SGCZ: variants seen among roughly 807,000 people sequenced by gnomAD.
The protein encoded by SGCZ is zeta-sarcoglycan.
SGCZ carries 40 observed loss-of-function variants against 41.3 expected under a neutral mutation model. The ratio of observed to expected loss-of-function variants is 0.97; its 90% CI spans 0.75 to 1.26. The LOEUF is 1.26. Ranked by LOEUF, SGCZ falls within the 50% of genes most tolerant of loss-of-function variation. The pLI, the probability that SGCZ is intolerant of heterozygous loss-of-function variation, is 0.00. For missense variants in SGCZ, 552 were observed against 369.8 expected, an observed-to-expected ratio of 1.49 and a Z score of -4.04; for synonymous variants, 206 against 137.5, an observed-to-expected ratio of 1.50 and a Z score of -3.49.
intron 2 of SGCZ, among the ~76,000 whole-genome samples, chr8:14,407,545 T>G (rs11987111): frequency 0.13 from 20,453 of 152,026 alleles, 3,017 homozygotes; most frequent in African/African-American, 0.37. Context: ...TAAATAACAT[T>G]AGATGATAAA....
chr8:14,212,345 T>C (rs967533908), intron 4 of SGCZ, among the ~76,000 whole-genome samples: 2 of 151,892 alleles, frequency 1.3e-5, no homozygotes, highest in African/African-American at 4.8e-5. Flanking sequence ...TACCCATAGA[T>C]ACTGGGTGAA....
intron 1 of SGCZ, among the ~76,000 whole-genome samples, chr8:15,162,443 G>T (rs1799538108): frequency 6.6e-6 from 1 of 152,128 alleles, no homozygotes; most frequent in African/African-American, 2.4e-5. Context: ...ATTACTTTCA[G>T]AAAGAGCCAT....
intron 2 of SGCZ, among the ~76,000 whole-genome samples, chr8:14,460,793 G>A (rs1800880992): frequency 6.6e-6 from 1 of 152,090 alleles, no homozygotes; most frequent in African/African-American, 2.4e-5. Context: ...TGCTAAAGTT[G>A]GGAGTCTAAA....
chr8:14,822,073 T>TACACACACACAC (rs57337707), intron 1 of SGCZ, among the ~76,000 whole-genome samples: 30 of 141,656 alleles, frequency 2.1e-4, no homozygotes, highest in African/African-American at 6.5e-4. Flanking sequence ...CCCTAAAGAT[T>TACACACACACAC]ACACACACAC....
chr8:15,219,078 G>C lies in SGCZ; in HGVS notation c.39+18507C>G, dbSNP rs1240642768. Reference sequence around the variant, plus strand: ...CTCTCCACGATTAGGAAGATAAAGAGCTTTTCTACTCAAATCAAATTATAT... The same window carrying C: ...CTCTCCACGATTAGGAAGATAAAGACCTTTTCTACTCAAATCAAATTATAT... On this transcript the variant is annotated intron_variant, in intron 1 of 7. Transcript: ENST00000382080. Among the ~76,000 whole-genome samples, 12 of 152,132 alleles carry C rather than the reference G, an allele frequency of 7.9e-5. No individual in the cohort carries two copies. The East Asian group carries it at 1.7e-3, about 22-fold the overall frequency.
chr8:14,968,323 T>C (rs1207314684), intron 1 of SGCZ, among the ~76,000 whole-genome samples: 4 of 152,228 alleles, frequency 2.6e-5, no homozygotes, highest in Non-Finnish European at 5.9e-5. Flanking sequence ...TCTGGGAACA[T>C]CTGAAACCTC....
At chr8:15,060,271 C>A (rs889371961) in intron 1 of SGCZ, among the ~76,000 whole-genome samples, 49 of 151,972 alleles carry the variant, frequency 3.2e-4, no homozygotes, top group Non-Finnish European at 5.9e-4. Context: ...AACCAACCCA[C>A]ATGTCCAAAA....
intron 1 of SGCZ, among the ~76,000 whole-genome samples, chr8:14,826,850 G>T (rs371946243): frequency 1.3e-5 from 2 of 152,172 alleles, no homozygotes; most frequent in Non-Finnish European, 2.9e-5. Context: ...TCTCAGATGA[G>T]TAGGTTGTGA....
intron 1 of SGCZ, among the ~76,000 whole-genome samples, chr8:15,063,022 G>C (rs1804994558): frequency 1.3e-5 from 2 of 152,090 alleles, no homozygotes; most frequent in Admixed American, 6.5e-5. Context: ...ATGACTTGAA[G>C]CCATTTAATA....
chr8:15,024,254 C>T (rs1803364478), intron 1 of SGCZ, among the ~76,000 whole-genome samples: 1 of 151,948 alleles, frequency 6.6e-6, no homozygotes. Flanking sequence ...AATATGATGG[C>T]CATGAAATAT....
chr8:14,155,082 A>G lies in SGCZ; in HGVS notation c.547+9498T>C, dbSNP rs966623900. Among the ~76,000 whole-genome samples the G allele has an allele frequency of 4.6e-5, 7 of 152,120 alleles. No individual in the cohort carries two copies. In the South Asian group the frequency reaches 6.2e-4, roughly 14 times the overall value. On this transcript the variant is annotated intron_variant, in intron 5 of 7. Coordinates refer to ENST00000382080, the MANE Select transcript of SGCZ (RefSeq NM_139167.4). The stretch of plus-strand genomic sequence containing the variant: ...CTACAGAGAAATAGATAACTAGAAA[A>G]CCATCTGTTCCAGTAACGCACTCTG...
chr8:14,258,491 G>A (rs1799542599), intron 3 of SGCZ, among the ~76,000 whole-genome samples: 1 of 152,048 alleles, frequency 6.6e-6, no homozygotes, highest in Admixed American at 6.6e-5. Context: ...CATTCTGGAA[G>A]AGCCAAAGTT....
chr8:14,749,889 G>A (rs184853322), intron 1 of SGCZ, among the ~76,000 whole-genome samples: 21 of 152,118 alleles, frequency 1.4e-4, no homozygotes, highest in Non-Finnish European at 2.4e-4. Flanking sequence ...AACCCAGAAT[G>A]TCAAACTGAA....
intron 2 of SGCZ, among the ~76,000 whole-genome samples, chr8:14,396,477 A>C (rs1798923660): frequency 6.6e-6 from 1 of 152,088 alleles, no homozygotes; most frequent in African/African-American, 2.4e-5. Context: ...GATGTTATTC[A>C]GCTCATTCCC....
chr8:14,450,042 T>C (rs1800546861), intron 2 of SGCZ, among the ~76,000 whole-genome samples: 1 of 152,124 alleles, frequency 6.6e-6, no homozygotes, highest in Non-Finnish European at 1.5e-5. Context: ...AGAAAAAAAC[T>C]GTGAAAGTGA....
chr8:14,238,077 T>C lies in SGCZ; in HGVS notation c.337-398A>G, dbSNP rs529177663. ...TGCATCTTTCAGATCTCAGCTTAAA[T>C]GCCACCTTCTCAAAATTGGCTCATC... On this transcript the variant is annotated intron_variant, in intron 3 of 7. Coordinates refer to ENST00000382080, the MANE Select transcript of SGCZ (RefSeq NM_139167.4). Among the ~76,000 whole-genome samples the C allele has an allele frequency of 1.4e-4, 21 of 152,370 alleles. 1 individual carries two copies. The South Asian group carries it at 1.4e-3, about 11-fold the overall frequency.
At chr8:15,153,694 C>G (rs1447366506) in intron 1 of SGCZ, among the ~76,000 whole-genome samples, 1 of 152,074 alleles carries the variant, frequency 6.6e-6, no homozygotes, top group African/African-American at 2.4e-5. Flanking sequence ...CTGCTCTCAC[C>G]ATGTGAAGTG....
chr8:14,255,311 C>T (rs1018737244), intron 3 of SGCZ, among the ~76,000 whole-genome samples: 6 of 152,162 alleles, frequency 3.9e-5, no homozygotes, highest in African/African-American at 1.4e-4. Flanking sequence ...CTCCTATGAT[C>T]TTGTCACATT....
At position 14,102,456 on chromosome 8, in the gene SGCZ, C is replaced by T. The variant is rs1423825445; in HGVS notation, c.664G>A (p.Gly222Arg). 2 of 1,503,390 alleles carry T rather than the reference C, an allele frequency of 1.3e-6. No homozygotes were observed. The highest frequency in any genetic ancestry group is 9.0e-7 in the Non-Finnish European group (1 of 1,111,200). The allele number at this position is 1,503,390 out of a possible 1,614,324, so 93.1% of individuals were successfully genotyped here. A position where few individuals can be genotyped will look rare whatever the true frequency, so the allele number is the denominator to read the frequency against. The change falls in exon 7 of 8, where the codon GGG (glycine) becomes AGG (arginine). Residue 222 changes from glycine (G) to arginine (R), a missense_variant. Gly to Arg is a moderately radical substitution (Grantham distance 125). Coordinates refer to ENST00000382080, the MANE Select transcript of SGCZ (RefSeq NM_139167.4). ...TRSLIMEAPR[G>R]VQVSAAAGDF... ...CCTGCAGCAGCACTCACCTGGACCC[C>T]ACGGGGAGCTTCCATGATCAAGGAT... is the stretch of plus-strand genomic sequence containing the variant.
Sources: allele counts gnomAD v4.1 joint callset (sites outside exome capture counted in the v4.1 genomes callset), GRCh38; gene constraint gnomAD v4.1.1; transcripts MANE v1.5; gene names NCBI Gene and HGNC (gene_info 2026-07-23, HGNC 2026-07-21).